DSG1: variants seen among roughly 807,000 people sequenced by gnomAD.
DSG1 encodes desmoglein-1.
A neutral mutation model predicts 97.5 loss-of-function variants in DSG1; 39 were observed. That is an observed-to-expected ratio of 0.40 (90% CI 0.31 to 0.52). The LOEUF is 0.52. Among genes scored for constraint, DSG1 ranks in the 20% least tolerant of loss-of-function variants. DSG1 has a pLI of 0.53. For synonymous variants in DSG1, 475 were observed against 443.4 expected (o/e 1.07, Z -0.90); for missense variants, 1,311 against 1,295.4 (o/e 1.01, Z -0.18).
chr18:31,326,496 A>G, intron 1 of DSG1, 85 bp from the exon 2 acceptor site: 1 of 1,070,892 alleles, frequency 9.3e-7, no homozygotes, highest in South Asian at 1.4e-5. Flanking sequence ...CTATGGTTTC[A>G]TGTTGTTTTT....
intron 10 of DSG1, among the ~76,000 whole-genome samples, chr18:31,338,715 A>G (rs536123008): frequency 6.6e-6 from 1 of 152,194 alleles, no homozygotes; most frequent in Non-Finnish European, 1.5e-5. Context: ...TAATCCATCT[A>G]TAGCTGTTGT....
chr18:31,351,782 G>C (rs2144121296), intron 14 of DSG1, among the ~76,000 whole-genome samples: 1 of 151,918 alleles, frequency 6.6e-6, no homozygotes, highest in East Asian at 1.9e-4. Context: ...TCAGAGACTA[G>C]GATTGCAACC....
chr18:31,335,228 T>A (rs1480252818), intron 8 of DSG1, among the ~76,000 whole-genome samples: 2 of 152,122 alleles, frequency 1.3e-5, no homozygotes, highest in Non-Finnish European at 2.9e-5. Context: ...ATAAAGACAT[T>A]GAGGCTCCAA....
Position 31,354,807 on chromosome 18 carries a change from C to G in DSG1, c.2611C>G (p.Pro871Ala), listed in dbSNP as rs2071939018. ...NVVVTERVVGPISGADLHGML... is the reference protein window; with the variant it reads ...NVVVTERVVGAISGADLHGML... ...GGTAGTGACAGAGAGAGTGGTCGGCCCAATCTCTGGCGCTGATTTGCATGG... is the reference window on the plus strand; with the variant it reads ...GGTAGTGACAGAGAGAGTGGTCGGCGCAATCTCTGGCGCTGATTTGCATGG... The change falls in exon 15 of 15, where the codon CCA (proline) becomes GCA (alanine). Residue 871 changes from proline (P) to alanine (A), a missense_variant. Transcript: ENST00000257192. 6.2e-7 allele frequency: 1 copy of G among 1,613,932 alleles called. No homozygotes were observed. The highest frequency in any genetic ancestry group is 8.5e-7 in the Non-Finnish European group (1 of 1,180,002).
At position 31,358,029 on chromosome 18, in the gene DSG1, TCATAGAC is replaced by T. The variant is rs2071973550; in HGVS notation, c.*2686_*2692del. On this transcript the variant is annotated 3_prime_UTR_variant, in exon 15 of 15. Transcript: ENST00000257192. ...TTTACTCTAGATCATATACATCATG[TCATAGAC>T]CAAGAAGAGATATGGAAATTATTTT... Among the ~76,000 whole-genome samples the T allele has an allele frequency of 6.6e-6, 1 of 152,062 alleles. No individual in the cohort carries two copies. Among genetic ancestry groups the T allele is most frequent in the Non-Finnish European group, 1.5e-5 (1 of 67,908 alleles).
intron 13 of DSG1, among the ~76,000 whole-genome samples, chr18:31,345,015 G>A (rs2071820125): frequency 6.6e-6 from 1 of 152,060 alleles, no homozygotes; most frequent in Admixed American, 6.6e-5. Context: ...TAACCCCAAT[G>A]TCTTCTCACC....
At chr18:31,343,331 A>G in intron 11 of DSG1, 119 bp from the exon 12 acceptor site, 1 of 1,446,880 alleles carries the variant, frequency 6.9e-7, no homozygotes, top group Non-Finnish European at 9.7e-7. Flanking sequence ...AAACTTTCAT[A>G]ATTTTAGAAC....
chr18:31,337,833 T>G (rs1316783030), intron 9 of DSG1, among the ~76,000 whole-genome samples: 1 of 152,182 alleles, frequency 6.6e-6, no homozygotes, highest in Non-Finnish European at 1.5e-5. Flanking sequence ...GGCAAGGCCT[T>G]AGTTTGGAAT....
chr18:31,329,785 T>C (rs1314957305), intron 4 of DSG1, 107 bp from the exon 5 acceptor site: 5 of 1,387,410 alleles, frequency 3.6e-6, no homozygotes, highest in Admixed American at 1.7e-5. Flanking sequence ...ATGTTCTAAG[T>C]AGACATAATA....
chr18:31,345,305 G>A (rs1030833790), intron 13 of DSG1: 1 of 151,890 alleles, frequency 6.6e-6, no homozygotes, highest in Non-Finnish European at 1.5e-5. Context: ...GCAGTTCCAC[G>A]GTCCCGGCCA....
chr18:31,354,949 C>T lies in DSG1; in HGVS notation c.2753C>T (p.Ser918Leu). 6.2e-7 allele frequency: 1 copy of T among 1,614,186 alleles called. No homozygotes were observed. Among genetic ancestry groups the T allele is most frequent in the Non-Finnish European group, 8.5e-7 (1 of 1,180,034 alleles). ...SLTIHHPRES[S>L]NVVVTERVIQ... is the part of the protein sequence containing the mutation. The stretch of plus-strand genomic sequence containing the variant: ...ACTATCCATCATCCTAGAGAGTCTT[C>T]AAATGTGGTAGTGACAGAAAGAGTA... Residue 918 changes from serine to leucine, a missense_variant, in exon 15 of 15, where the codon TCA (serine) becomes TTA (leucine). By Grantham distance (145) the Ser-to-Leu change is moderately radical (BLOSUM62 -2). Around this residue, in one of 3 missense-constraint regions of DSG1, gnomAD observed 1,038 missense variants for 964.6 expected, o/e 1.08. Coordinates refer to ENST00000257192, the MANE Select transcript of DSG1 (RefSeq NM_001942.4).
At position 31,354,350 on chromosome 18, in the gene DSG1, G is replaced by T; in HGVS notation, c.2154G>T (p.Leu718Phe). The T allele has an allele frequency of 6.2e-7, 1 of 1,614,202 alleles. No individual in the cohort carries two copies. Among genetic ancestry groups the T allele is most frequent in the South Asian group, 1.1e-5 (1 of 91,082 alleles). ...AAGGACGCCCATCTAATGACTGTTT[G>T]CTCATATATGACATCGAAGGTGTAG... ...EDEGRPSNDC[L>F]LIYDIEGVGS... is the part of the protein sequence containing the mutation. The change falls in exon 15 of 15, where the codon TTG becomes TTT. Residue 718 changes from leucine to phenylalanine, a missense_variant. By Grantham distance (22) the Leu-to-Phe change is conservative. Around this residue, in one of 3 missense-constraint regions of DSG1, gnomAD observed 1,038 missense variants for 964.6 expected, o/e 1.08. Transcript: ENST00000257192.
rs749806860 is a variant in DSG1 at position 31,343,297 on chromosome 18, G to A, written c.1688-153G>A. 7.3e-5 allele frequency: 78 copies of A among 1,072,184 alleles called. No homozygotes were observed. The Middle Eastern group carries it at 1.2e-3, about 16-fold the overall frequency. 66.4% of individuals were successfully genotyped at this position (1,072,184 alleles called of 1,614,324 possible). A position where few individuals can be genotyped will look rare whatever the true frequency, so the allele number is the denominator to read the frequency against. On this transcript the variant is annotated intron_variant, in intron 11 of 14. Coordinates refer to ENST00000257192, the MANE Select transcript of DSG1 (RefSeq NM_001942.4). ...GAAGCTCCCATTTACTTTGGGGTCT[G>A]ACCATCATTCAGCTTGTATTCTGAA...
rs866490672 is a variant in DSG1 at position 31,357,762 on chromosome 18, C to G, written c.*2416C>G. ...TCTAGGAAGATACTTTCTAACCAAA[C>G]TTTTCTTCCAGGATTGCAAATTGAT... On this transcript the variant is annotated 3_prime_UTR_variant, in exon 15 of 15. Coordinates refer to ENST00000257192, the MANE Select transcript of DSG1 (RefSeq NM_001942.4). Among the ~76,000 whole-genome samples the G allele has an allele frequency of 6.6e-6, 1 of 151,922 alleles. No homozygotes were observed. The highest frequency in any genetic ancestry group is 6.6e-5 in the Admixed American group (1 of 15,262).
At chr18:31,319,068 G>T (rs41326652) in intron 1 of DSG1, among the ~76,000 whole-genome samples, 9,684 of 152,204 alleles carry the variant, frequency 0.064, 427 homozygotes, top group South Asian at 0.13. Flanking sequence ...CGATATAAAA[G>T]TTGTGCACTT....
At position 31,331,744 on chromosome 18, in the gene DSG1, G is replaced by A. The variant is rs778849751; in HGVS notation, c.561G>A (p.Pro187=). The A allele has an allele frequency of 4.5e-5, 73 of 1,612,522 alleles. No homozygotes were observed. Among genetic ancestry groups the A allele is most frequent in the East Asian group, 2.0e-4 (9 of 44,760 alleles). Reference sequence around the variant, plus strand: ...TCAATGCTACTGACGCAGATGAACCGAACAATTTGAACTCAAAAATAGCCT... The same window carrying A: ...TCAATGCTACTGACGCAGATGAACCAAACAATTTGAACTCAAAAATAGCCT... ...MILNATDADE[P]NNLNSKIAFK... The change falls in exon 6 of 15, where the codon CCG becomes CCA. Residue 187 remains proline, a synonymous_variant. Transcript: ENST00000257192.
intron 1 of DSG1, 27 bp downstream of exon 1, chr18:31,318,375 C>T: frequency 6.3e-7 from 1 of 1,594,328 alleles, no homozygotes; most frequent in East Asian, 2.2e-5. Context: ...AAAAGTCCTT[C>T]ATAATCGTGC....
intron 11 of DSG1, among the ~76,000 whole-genome samples, chr18:31,343,084 T>C (rs1284140221): frequency 1.3e-5 from 2 of 152,072 alleles, no homozygotes; most frequent in East Asian, 3.9e-4. Flanking sequence ...CTAATTTTTG[T>C]ATTTTTTGGT....
rs1343572858 is a variant in DSG1 at position 31,356,178 on chromosome 18, C to T, written c.*832C>T. Reference sequence around the variant, plus strand: ...GTGGTTTTGACTTAAGAAAGCAAAACTCACTAAGTTTACTTCTCGAATTGA... The same window carrying T: ...GTGGTTTTGACTTAAGAAAGCAAAATTCACTAAGTTTACTTCTCGAATTGA... On this transcript the variant is annotated 3_prime_UTR_variant, in exon 15 of 15. Transcript: ENST00000257192. 6.6e-6 allele frequency: 1 copy of T among 152,066 alleles called. No individual in the cohort carries two copies. The highest frequency in any genetic ancestry group is 2.4e-5 in the African/African-American group (1 of 41,442). 9.4% of individuals were successfully genotyped at this position (152,066 alleles called of 1,614,324 possible).
Sources: allele counts gnomAD v4.1 joint callset (sites outside exome capture counted in the v4.1 genomes callset), GRCh38; gene constraint gnomAD v4.1.1; regional missense constraint gnomAD v4.1.1; transcripts MANE v1.5; gene names NCBI Gene and HGNC (gene_info 2026-07-23, HGNC 2026-07-21).